AGBL1: variants seen among roughly 807,000 people sequenced by gnomAD.
AGBL1 encodes cytosolic carboxypeptidase 4.
A neutral mutation model predicts 118.9 loss-of-function variants in AGBL1; 130 were observed. The ratio of observed to expected loss-of-function variants is 1.09; its 90% confidence interval spans 0.95 to 1.26. The LOEUF (loss-of-function observed/expected upper bound fraction) is 1.26. AGBL1 is among the 50% of genes most tolerant of loss of function. The pLI is 0.00. For synonymous variants in AGBL1, 555 were observed against 478.9 expected (o/e 1.16, Z -2.08); for missense variants, 1,584 against 1,298.1 (o/e 1.22, Z -3.38).
intron 1 of AGBL1, among the ~76,000 whole-genome samples, chr15:86,084,751 G>C (rs1895520486): frequency 6.6e-6 from 1 of 152,114 alleles, no homozygotes; most frequent in South Asian, 2.1e-4. Flanking sequence ...GATGAAGGAA[G>C]GTAATATTTT....
intron 20 of AGBL1, among the ~76,000 whole-genome samples, chr15:86,551,812 G>A (rs547773800): frequency 6.6e-6 from 1 of 152,176 alleles, no homozygotes; most frequent in South Asian, 2.1e-4. Flanking sequence ...GTGCTGAAAA[G>A]GAATGAGCTA....
At chr15:86,584,728 G>T (rs2084221282) in intron 21 of AGBL1, among the ~76,000 whole-genome samples, 1 of 152,032 alleles carries the variant, frequency 6.6e-6, no homozygotes, top group Non-Finnish European at 1.5e-5. Context: ...AAATGATATT[G>T]GTAGTTTGAT....
chr15:86,891,240 C>G (rs2080047848), intron 22 of AGBL1, among the ~76,000 whole-genome samples: 1 of 152,012 alleles, frequency 6.6e-6, no homozygotes, highest in South Asian at 2.1e-4. Flanking sequence ...ATGTTGTATC[C>G]TGAGACTTTG....
chr15:87,008,805 G>T (rs1051093179), intron 24 of AGBL1, among the ~76,000 whole-genome samples: 3 of 152,212 alleles, frequency 2.0e-5, no homozygotes, highest in African/African-American at 7.2e-5. Flanking sequence ...TTAGCTAAGA[G>T]ATTGATGGCA....
At chr15:86,499,827 A>C (rs1347229829) in intron 18 of AGBL1, among the ~76,000 whole-genome samples, 1 of 151,936 alleles carries the variant, frequency 6.6e-6, no homozygotes, top group East Asian at 1.9e-4. Flanking sequence ...GTCAGTAGAC[A>C]CAGTTTCAAG....
At position 86,167,319 on chromosome 15, in the gene AGBL1, C is replaced by T. The variant is rs180849359; in HGVS notation, c.488+8293C>T. Among the ~76,000 whole-genome samples, 805 of 151,638 alleles carry T rather than the reference C, an allele frequency of 5.3e-3. 2 individuals carry two copies. The highest frequency in any genetic ancestry group is 0.014 in the Admixed American group (216 of 15,232). On this transcript the variant is annotated intron_variant, in intron 5 of 22. Coordinates refer to ENST00000614907, the MANE Select transcript of AGBL1 (RefSeq NM_001386094.1). Reference sequence around the variant, plus strand: ...GGAGTGCAGTGGCCTGATCCTGGCTCGCTGCAACCTCCACCTCCTGGGTTC... The same window carrying T: ...GGAGTGCAGTGGCCTGATCCTGGCTTGCTGCAACCTCCACCTCCTGGGTTC...
intron 1 of AGBL1, among the ~76,000 whole-genome samples, chr15:86,140,875 T>A (rs2076953781): frequency 6.6e-6 from 1 of 152,156 alleles, no homozygotes; most frequent in Non-Finnish European, 1.5e-5. Context: ...TTGTAATGAA[T>A]AATGAAGCTG....
intron 5 of AGBL1, among the ~76,000 whole-genome samples, chr15:86,218,669 G>A (rs1352626886): frequency 6.6e-6 from 1 of 152,220 alleles, no homozygotes; most frequent in Admixed American, 6.5e-5. Context: ...GAAGTAAGCA[G>A]TAATGTTGGG....
chr15:86,662,847 GAA>G (rs2085569575), intron 21 of AGBL1, among the ~76,000 whole-genome samples: 1 of 152,178 alleles, frequency 6.6e-6, no homozygotes, highest in Non-Finnish European at 1.5e-5. Flanking sequence ...CATGACCAGT[GAA>G]GATATGCCTA....
intron 17 of AGBL1, among the ~76,000 whole-genome samples, chr15:86,384,243 A>G (rs2081151613): frequency 6.6e-6 from 1 of 152,154 alleles, no homozygotes; most frequent in Non-Finnish European, 1.5e-5. Context: ...GCTTGAGGGA[A>G]TCAGTTAATG....
At chr15:86,551,445 A>G (rs2083662111) in intron 20 of AGBL1, among the ~76,000 whole-genome samples, 1 of 152,194 alleles carries the variant, frequency 6.6e-6, no homozygotes, top group African/African-American at 2.4e-5. Flanking sequence ...TATCATTAAC[A>G]ACTTTATGCC....
chr15:86,196,897 A>ATG, intron 5 of AGBL1, among the ~76,000 whole-genome samples: 1 of 151,054 alleles, frequency 6.6e-6, no homozygotes, highest in African/African-American at 2.4e-5. Context: ...ACACACACAC[A>ATG]CACACACACA....
intron 22 of AGBL1, among the ~76,000 whole-genome samples, chr15:86,814,722 A>C (rs1270401858): frequency 6.6e-6 from 1 of 152,178 alleles, no homozygotes; most frequent in Non-Finnish European, 1.5e-5. Context: ...GGAAAGGTCT[A>C]GGTTTATTTT....
chr15:86,234,929 G>T (rs946346532), intron 6 of AGBL1, among the ~76,000 whole-genome samples: 1 of 152,146 alleles, frequency 6.6e-6, no homozygotes. Flanking sequence ...CTTCCCCGAG[G>T]GTTGAATGAT....
At chr15:86,319,678 T>C (rs1021850779) in intron 17 of AGBL1, among the ~76,000 whole-genome samples, 2 of 150,560 alleles carry the variant, frequency 1.3e-5, no homozygotes, top group Non-Finnish European at 3.0e-5. Context: ...TATGTCACTT[T>C]AAATAAATTC....
intron 23 of AGBL1, among the ~76,000 whole-genome samples, chr15:86,969,490 T>A (rs1596688134): frequency 6.6e-6 from 1 of 151,782 alleles, no homozygotes; most frequent in African/African-American, 2.4e-5. Flanking sequence ...CATGCATATG[T>A]ATGTGAATAT....
intron 1 of AGBL1, among the ~76,000 whole-genome samples, chr15:86,092,308 A>T (rs937183889): frequency 8.5e-5 from 13 of 152,212 alleles, no homozygotes; most frequent in Non-Finnish European, 1.6e-4. Context: ...ACAAATAGTT[A>T]TAAAGCATTA....
chr15:86,726,630 C>G (rs1409450624), intron 22 of AGBL1, among the ~76,000 whole-genome samples: 1 of 152,164 alleles, frequency 6.6e-6, no homozygotes, highest in African/African-American at 2.4e-5. Context: ...GGTACAGTCA[C>G]TACTTACTGC....
intron 7 of AGBL1, among the ~76,000 whole-genome samples, chr15:86,252,977 T>G (rs1419467113): frequency 1.3e-5 from 2 of 152,164 alleles, no homozygotes; most frequent in Non-Finnish European, 2.9e-5. Context: ...GTCGAAGAGC[T>G]GCTGTGTCAC....
Sources: gnomAD v4.1 joint callset for allele counts (sites outside exome capture counted in the v4.1 genomes callset) on GRCh38, gnomAD v4.1.1 for gene constraint, MANE v1.5 for transcripts, NCBI Gene and HGNC (gene_info 2026-07-23, HGNC 2026-07-21) for gene names.